The following PLD1 variants were observed in gnomAD, a reference collection of about 807,000 sequenced individuals.
PLD1 encodes the protein choline phosphatase 1.
In PLD1, 112 loss-of-function variants were observed where a neutral mutation model predicts 137.1. That is an observed-to-expected ratio of 0.82 (90% CI 0.70 to 0.96). The LOEUF is 0.96. Among genes scored for constraint, PLD1 ranks in the 40% least tolerant of loss-of-function variants. The probability of loss-of-function intolerance (pLI) is 0.00; values close to 1 mark genes in which losing one functional copy is unlikely to be tolerated. For synonymous variants in PLD1, 431 were observed against 454.7 expected, an observed-to-expected ratio of 0.95 and a Z score of 0.66; for missense variants, 1,321 against 1,342.0, an observed-to-expected ratio of 0.98 and a Z score of 0.24.
chr3:171,708,268 T>A (rs1438165766), intron 11 of PLD1, among the ~76,000 whole-genome samples: 1 of 152,172 alleles, frequency 6.6e-6, no homozygotes, highest in Non-Finnish European at 1.5e-5. Flanking sequence ...TTTAAGGTGG[T>A]CACAAAGTTG....
At chr3:171,603,849 T>A (rs1732000780) in intron 26 of PLD1, among the ~76,000 whole-genome samples, 1 of 152,188 alleles carries the variant, frequency 6.6e-6, no homozygotes, top group Non-Finnish European at 1.5e-5. Context: ...AGAAAATTAA[T>A]TATATAATGT....
At chr3:171,645,105 G>C (rs1298554099) in intron 21 of PLD1, 82 bp from the exon 22 acceptor site, 11 of 882,464 alleles carry the variant, frequency 1.2e-5, no homozygotes, top group South Asian at 4.0e-5. Context: ...CAGTTCACAT[G>C]GTTTTTGAGA....
chr3:171,616,687 G>A (rs1733138520), intron 24 of PLD1, among the ~76,000 whole-genome samples: 1 of 152,112 alleles, frequency 6.6e-6, no homozygotes, highest in Non-Finnish European at 1.5e-5. Flanking sequence ...AGGAATGCAG[G>A]CAGCCTCTAG....
chr3:171,764,851 GAAA>G lies in PLD1; in HGVS notation c.-31-26772_-31-26770del, dbSNP rs1422318315. Among the ~76,000 whole-genome samples the G allele has an allele frequency of 3.8e-3, 73 of 19,218 alleles. 2 individuals carry two copies. Among genetic ancestry groups the G allele is most frequent in the African/African-American group, 0.015 (69 of 4,578 alleles). The allele number at this position is 19,218 out of a possible 152,430, so 12.6% of individuals were successfully genotyped here. A position where few individuals can be genotyped will look rare whatever the true frequency, so the allele number is the denominator to read the frequency against. On this transcript the variant is annotated intron_variant, in intron 1 of 26. Coordinates refer to ENST00000351298, the MANE Select transcript of PLD1 (RefSeq NM_002662.5). ...AGAAAGAAAGAAAGAAAGAAAGAAAGAAAGAAAGAAAGAAAGAAAGAAAGAAAG... is the reference window on the plus strand; with the variant it reads ...AGAAAGAAAGAAAGAAAGAAAGAAAGGAAAGAAAGAAAGAAAGAAAGAAAG...
Position 171,685,061 on chromosome 3 carries a change from G to A in PLD1, c.1867+1624C>T, listed in dbSNP as rs181493356. 2.2e-4 allele frequency among the ~76,000 whole-genome samples: 34 copies of A among 152,340 alleles called. 1 individual carries two copies. In the East Asian group the frequency reaches 5.6e-3, roughly 25 times the overall value. ...ACAGCCTGTGGGCCACATGCGGCCCGGGATGGCTTTGAATGTGGCCCAACA... is the reference window on the plus strand; with the variant it reads ...ACAGCCTGTGGGCCACATGCGGCCCAGGATGGCTTTGAATGTGGCCCAACA... On this transcript the variant is annotated intron_variant, in intron 16 of 26. Coordinates refer to ENST00000351298, the MANE Select transcript of PLD1 (RefSeq NM_002662.5).
intron 21 of PLD1, among the ~76,000 whole-genome samples, chr3:171,648,006 A>G (rs1386439795): frequency 6.6e-6 from 1 of 152,164 alleles, no homozygotes; most frequent in Non-Finnish European, 1.5e-5. Flanking sequence ...TTCGCTTAGC[A>G]TAACATCTTC....
Position 171,699,750 on chromosome 3 carries a change from T to C in PLD1, c.1222A>G (p.Lys408Glu). The C allele has an allele frequency of 6.2e-7, 1 of 1,610,530 alleles. No individual in the cohort carries two copies. The highest frequency in any genetic ancestry group is 8.5e-7 in the Non-Finnish European group (1 of 1,176,848). ...TTTTCTGGGAAAGTACATACTGCTT[T>C]TCGTTTAAGAATGCAGTCCAACCTC... ...RWRLDCILKR[K>E]AQQGVRIFIM... is the part of the protein sequence containing the mutation. The change falls in exon 12 of 27, where the codon AAA becomes GAA. Residue 408 changes from lysine (K) to glutamate (E), a missense_variant. Lys to Glu is a moderately conservative substitution (Grantham distance 56, BLOSUM62 1). Coordinates refer to ENST00000351298, the MANE Select transcript of PLD1 (RefSeq NM_002662.5).
intron 23 of PLD1, among the ~76,000 whole-genome samples, chr3:171,620,749 T>TATATA (rs1733543879): frequency 2.5e-5 from 3 of 118,196 alleles, no homozygotes; most frequent in African/African-American, 7.9e-5. Context: ...TCTCTATATA[T>TATATA]ATATATATAT....
chr3:171,609,550 ACAC>A lies in PLD1; in HGVS notation c.2882+2726_2882+2728del, dbSNP rs1458967780. On this transcript the variant is annotated intron_variant, in intron 25 of 26. Coordinates refer to ENST00000351298, the MANE Select transcript of PLD1 (RefSeq NM_002662.5). ...CACACACACACACACACACACACAC[ACAC>A]ACCAGAGAAAACTACTCAGCCATAA... Among the ~76,000 whole-genome samples, 810 of 143,380 alleles carry A rather than the reference ACAC, an allele frequency of 5.6e-3. 10 individuals are homozygous for A. Among genetic ancestry groups the A allele is most frequent in the African/African-American group, 0.021 (730 of 35,150 alleles). 94.1% of individuals were successfully genotyped at this position (143,380 alleles called of 152,430 possible). A position where few individuals can be genotyped will look rare whatever the true frequency, so the allele number is the denominator to read the frequency against.
At chr3:171,613,479 A>C (rs376603842) in intron 24 of PLD1, among the ~76,000 whole-genome samples, 1 of 152,232 alleles carries the variant, frequency 6.6e-6, no homozygotes, top group Admixed American at 6.5e-5. Flanking sequence ...TCAAAGTCAC[A>C]TAACTGTGAA....
chr3:171,618,739 T>A (rs191015399), intron 24 of PLD1, among the ~76,000 whole-genome samples: 26,146 of 151,640 alleles, frequency 0.17, 2,332 homozygotes, highest in South Asian at 0.23. Context: ...TGTGTGTGTG[T>A]GTGTGTGTGT....
At chr3:171,715,696 T>C (rs1417020418) in intron 8 of PLD1, among the ~76,000 whole-genome samples, 10 of 152,160 alleles carry the variant, frequency 6.6e-5, no homozygotes, top group Non-Finnish European at 2.9e-5. Flanking sequence ...AAGCTCTTCT[T>C]TATTATGCCA....
intron 22 of PLD1, among the ~76,000 whole-genome samples, chr3:171,644,288 A>G (rs1377156159): frequency 1.3e-5 from 2 of 152,174 alleles, no homozygotes; most frequent in Non-Finnish European, 2.9e-5. Flanking sequence ...ACCAGCTAGC[A>G]CTTTCCAGCC....
intron 24 of PLD1, among the ~76,000 whole-genome samples, chr3:171,616,270 C>T (rs1733103891): frequency 6.6e-6 from 1 of 152,056 alleles, no homozygotes; most frequent in South Asian, 2.1e-4. Context: ...CTTTACAGTA[C>T]CTTTTAATGA....
At chr3:171,687,277 A>G in intron 15 of PLD1, 94 bp downstream of exon 15, 1 of 1,016,868 alleles carries the variant, frequency 9.8e-7, no homozygotes, top group Non-Finnish European at 1.5e-6. Context: ...CTACTCCATT[A>G]CAGAAAGACA....
At chr3:171,631,955 G>C (rs1459987503) in intron 23 of PLD1, among the ~76,000 whole-genome samples, 1 of 152,128 alleles carries the variant, frequency 6.6e-6, no homozygotes, top group East Asian at 1.9e-4. Flanking sequence ...GAGGTCAATG[G>C]TTGATAAGAA....
intron 1 of PLD1, among the ~76,000 whole-genome samples, chr3:171,803,255 C>T (rs986456234): frequency 2.0e-5 from 3 of 152,204 alleles, no homozygotes; most frequent in African/African-American, 4.8e-5. Context: ...CATTGCATAA[C>T]TAAGCGTATT....
At chr3:171,687,299 C>T in intron 15 of PLD1, 72 bp downstream of exon 15, 2 of 1,217,958 alleles carry the variant, frequency 1.6e-6, no homozygotes, top group Non-Finnish European at 1.2e-6. Context: ...ATTTTAAAAA[C>T]AGGTATGTAG....
intron 9 of PLD1, among the ~76,000 whole-genome samples, chr3:171,711,800 TAC>T (rs1397556877): frequency 1.5e-5 from 2 of 135,788 alleles, no homozygotes; most frequent in Middle Eastern, 3.8e-3. Context: ...CCTAAACTCT[TAC>T]AGAGTTATAA....
Sources: gnomAD v4.1 joint callset for allele counts (sites outside exome capture counted in the v4.1 genomes callset) on GRCh38, gnomAD v4.1.1 for gene constraint, MANE v1.5 for transcripts, NCBI Gene and HGNC (gene_info 2026-07-23, HGNC 2026-07-21) for gene names.